Variants in GNPTG observed in about 807,000 individuals in gnomAD.
The protein encoded by GNPTG is N-acetylglucosamine-1-phosphotransferase subunit gamma.
A neutral mutation model predicts 43.8 loss-of-function variants in GNPTG; 46 were observed. The observed-to-expected ratio is 1.05, with a 90% CI of 0.83 to 1.34. The LOEUF (loss-of-function observed/expected upper bound fraction) is 1.34, where lower values mean the gene tolerates loss of function less well. Ranked by LOEUF, GNPTG falls within the 40% of genes most tolerant of loss-of-function variation. The pLI is 0.00. For missense variants in GNPTG, 549 were observed against 411.3 expected, an observed-to-expected ratio of 1.33 and a Z score of -2.90; for synonymous variants, 250 against 172.8, an observed-to-expected ratio of 1.45 and a Z score of -3.50.
chr16:1,358,749 C>G (rs1056143746), intron 3 of GNPTG, among the ~76,000 whole-genome samples: 1 of 152,140 alleles, frequency 6.6e-6, no homozygotes, highest in Admixed American at 6.5e-5. Context: ...TTCACCAACA[C>G]TGTTTTTTGC....
rs754679713 is a variant in GNPTG at position 1,362,255 on chromosome 16, C to T, written c.461C>T (p.Pro154Leu). ...AACCGGCTGGCCCATGTGTCCGAGCCGAGCACCTGCGTCTACGCGCTGACG... is the reference window on the plus strand; with the variant it reads ...AACCGGCTGGCCCATGTGTCCGAGCTGAGCACCTGCGTCTACGCGCTGACG... ...KSNRLAHVSE[P>L]STCVYALTFE... is the part of the protein sequence containing the mutation. The change falls in exon 7 of 11, where the codon CCG becomes CTG. Residue 154 changes from proline to leucine, a missense_variant. Coordinates refer to ENST00000204679, the MANE Select transcript of GNPTG (RefSeq NM_032520.5). 9.9e-6 allele frequency: 16 copies of T among 1,613,494 alleles called. No individual in the cohort carries two copies. The highest frequency in any genetic ancestry group is 6.7e-5 in the Admixed American group (4 of 60,034).
intron 3 of GNPTG, among the ~76,000 whole-genome samples, chr16:1,354,159 C>T (rs924874778): frequency 6.7e-6 from 1 of 148,950 alleles, no homozygotes; most frequent in Admixed American, 6.8e-5. Flanking sequence ...CGGGCCACCA[C>T]CTATCCCAAG....
chr16:1,355,001 C>G (rs967874992), intron 3 of GNPTG, among the ~76,000 whole-genome samples: 1 of 151,952 alleles, frequency 6.6e-6, no homozygotes, highest in Non-Finnish European at 1.5e-5. Flanking sequence ...TCCCCCGCAT[C>G]TGCGGGGTGG....
chr16:1,362,715 G>A lies in GNPTG; in HGVS notation c.714G>A (p.Gly238=), dbSNP rs766167977. 1 of 1,614,040 alleles carries A rather than the reference G, an allele frequency of 6.2e-7. No individual in the cohort carries two copies. The highest frequency in any genetic ancestry group is 2.2e-5 in the East Asian group (1 of 44,880). Residue 238 remains glycine (G), a synonymous_variant, in exon 9 of 11, where the codon GGG becomes GGA. Transcript: ENST00000204679. ...TGGAGGGAGGTCCTGACAGCTTGGG[G>A]TTTGAGACCCTGGAAAACTGCAGGA... ...TQLEGGPDSL[G]FETLENCRKA... is the part of the protein sequence containing the mutation.
At chr16:1,358,261 C>T (rs2034814046) in intron 3 of GNPTG, 1 of 152,474 alleles carries the variant, frequency 6.6e-6, no homozygotes, top group South Asian at 2.1e-4. Context: ...GCTCTGTCCC[C>T]TTCAAACCCT....
chr16:1,352,239 G>A lies in GNPTG; in HGVS notation c.111G>A (p.Gly37=), dbSNP rs1427336583. Residue 37 remains glycine, a splice_region_variant and synonymous_variant, in exon 3 of 11, where the codon GGG becomes GGA. Transcript: ENST00000204679. ...MKVVEEPNAF[G]VNNPFLPQAS... ...CCGCTGACCTTGCCGCTTCCCGTAGGGTGAACAACCCGTTCTTGCCTCAGG... is the reference window on the plus strand; with the variant it reads ...CCGCTGACCTTGCCGCTTCCCGTAGAGTGAACAACCCGTTCTTGCCTCAGG... 1.9e-6 allele frequency: 3 copies of A among 1,548,986 alleles called. No individual in the cohort carries two copies. Among genetic ancestry groups the A allele is most frequent in the Non-Finnish European group, 2.6e-6 (3 of 1,147,152 alleles).
In GNPTG at chr16:1,355,957, G is replaced by T. The variant is rs1025537484; in HGVS notation, c.178+3651G>T. Among the ~76,000 whole-genome samples the T allele has an allele frequency of 4.6e-5, 7 of 152,178 alleles. No homozygotes were observed. In the East Asian group the frequency reaches 1.2e-3, roughly 25 times the overall value. On this transcript the variant is annotated intron_variant, in intron 3 of 10. Coordinates refer to ENST00000204679, the MANE Select transcript of GNPTG (RefSeq NM_032520.5). ...GGGCACAGGACTCACCAGGGGGTGCGTGAGGCCGGAGGGTGAGGGTGAGGT... is the reference window on the plus strand; with the variant it reads ...GGGCACAGGACTCACCAGGGGGTGCTTGAGGCCGGAGGGTGAGGGTGAGGT...
chr16:1,352,768 C>T (rs1057066850), intron 3 of GNPTG, among the ~76,000 whole-genome samples: 1 of 151,978 alleles, frequency 6.6e-6, no homozygotes, highest in Non-Finnish European at 1.5e-5. Context: ...ACTGCACTCC[C>T]CGATTGTATT....
chr16:1,356,894 CGGG>C (rs1567181408), intron 3 of GNPTG, among the ~76,000 whole-genome samples: 1 of 6,326 alleles, frequency 1.6e-4, no homozygotes, highest in Non-Finnish European at 4.0e-4. Flanking sequence ...GGTCTGCGGG[CGGG>C]AGTGTGCGGG....
Position 1,361,664 on chromosome 16 carries a change from C to G in GNPTG, c.179-79C>G, listed in dbSNP as rs371936270. ...ATCTCAAAAAAAAAGAAAACTGGTC[C>G]TTTGAAAACAGACTCTGCCAGTCTT... On this transcript the variant is annotated intron_variant, in intron 3 of 10. Coordinates refer to ENST00000204679, the MANE Select transcript of GNPTG (RefSeq NM_032520.5). The G allele has an allele frequency of 7.6e-5, 115 of 1,509,872 alleles. 1 individual carries two copies. Among genetic ancestry groups the G allele is most frequent in the Middle Eastern group, 6.8e-4 (4 of 5,868 alleles). The allele number at this position is 1,509,872 out of a possible 1,614,324, so 93.5% of individuals were successfully genotyped here.
chr16:1,359,132 C>T (rs1453989067), intron 3 of GNPTG, among the ~76,000 whole-genome samples: 3 of 151,206 alleles, frequency 2.0e-5, no homozygotes, highest in Non-Finnish European at 3.0e-5. Flanking sequence ...CTGGGATTCC[C>T]GGCTTCTCTG....
Position 1,351,972 on chromosome 16 carries a change from G to C in GNPTG, c.7G>C (p.Ala3Pro). 7.6e-7 allele frequency: 1 copy of C among 1,317,162 alleles called. No individual in the cohort carries two copies. The allele number at this position is 1,317,162 out of a possible 1,614,324, so 81.6% of individuals were successfully genotyped here. The change falls in exon 1 of 11, where the codon GCG becomes CCG. Residue 3 changes from alanine to proline, a missense_variant. Transcript: ENST00000204679. Reference protein sequence around the residue: MAAGLARLLLLLG... With the variant: MAPGLARLLLLLG... The stretch of plus-strand genomic sequence containing the variant: ...CGGCGGCCGCTGCGGCGCGATGGCG[G>C]CGGGGCTGGCGCGGCTCCTGTTGCT...
At chr16:1,356,019 G>C (rs1209642194) in intron 3 of GNPTG, among the ~76,000 whole-genome samples, 2 of 151,978 alleles carry the variant, frequency 1.3e-5, no homozygotes, top group African/African-American at 2.4e-5. Flanking sequence ...GGGGGTTGTG[G>C]AGGTTGGGAG....
At position 1,363,462 on chromosome 16, in the gene GNPTG, G is replaced by C. The variant is rs928904342; in HGVS notation, c.*371G>C. The C allele has an allele frequency of 2.9e-6, 1 of 339,642 alleles. No individual in the cohort carries two copies. The highest frequency in any genetic ancestry group is 7.9e-5 in the East Asian group (1 of 12,668). 21.0% of individuals were successfully genotyped at this position (339,642 alleles called of 1,614,324 possible). A position where few individuals can be genotyped will look rare whatever the true frequency, so the allele number is the denominator to read the frequency against. ...ACTTGAGGCGTCCACGCGGAACAAG[G>C]TCTGCTGACCACAGTTACACACGTC... On this transcript the variant is annotated 3_prime_UTR_variant, in exon 11 of 11. Coordinates refer to ENST00000204679, the MANE Select transcript of GNPTG (RefSeq NM_032520.5).
chr16:1,361,200 C>G (rs1260243467), intron 3 of GNPTG: 1 of 159,334 alleles, frequency 6.3e-6, no homozygotes, highest in Non-Finnish European at 1.4e-5. Context: ...CTTGGCCTCC[C>G]AAAGTGCTGG....
At position 1,362,739 on chromosome 16, in the gene GNPTG, G is replaced by T; in HGVS notation, c.738G>T (p.Arg246Ser). The change falls in exon 9 of 11, where the codon AGG becomes AGT. Residue 246 changes from arginine to serine, a missense_variant. Physicochemically the swap from Arg to Ser is moderately radical, Grantham distance 110 (BLOSUM62 -1). Coordinates refer to ENST00000204679, the MANE Select transcript of GNPTG (RefSeq NM_032520.5). ...SLGFETLENC[R>S]KAHKELSKEI... ...GGTTTGAGACCCTGGAAAACTGCAGGAAGGTACCGTATTGGGGGGAGGTGG... is the reference window on the plus strand; with the variant it reads ...GGTTTGAGACCCTGGAAAACTGCAGTAAGGTACCGTATTGGGGGGAGGTGG... The T allele has an allele frequency of 1.2e-6, 2 of 1,614,076 alleles. No individual in the cohort carries two copies. The highest frequency in any genetic ancestry group is 1.7e-6 in the Non-Finnish European group (2 of 1,180,020).
In GNPTG at chr16:1,363,179, C is replaced by A; in HGVS notation, c.*88C>A. The stretch of plus-strand genomic sequence containing the variant: ...GACCCGCAGGGACCAGCTGACCAGG[C>A]TTGTGCTCAGAGAAGCAGACAAAAC... On this transcript the variant is annotated 3_prime_UTR_variant, in exon 11 of 11. Coordinates refer to ENST00000204679, the MANE Select transcript of GNPTG (RefSeq NM_032520.5). The A allele has an allele frequency of 2.6e-6, 3 of 1,133,090 alleles. No individual in the cohort carries two copies. Among genetic ancestry groups the A allele is most frequent in the Non-Finnish European group, 2.6e-6 (2 of 765,178 alleles). The allele number at this position is 1,133,090 out of a possible 1,614,324, so 70.2% of individuals were successfully genotyped here.
chr16:1,362,381 G>A (rs1567184492), intron 7 of GNPTG, 61 bp downstream of exon 7: 5 of 1,608,848 alleles, frequency 3.1e-6, no homozygotes, highest in Admixed American at 3.3e-5. Flanking sequence ...CCCTGCTGGA[G>A]GCCCTGTAGT....
chr16:1,354,900 C>G (rs1161145066), intron 3 of GNPTG, among the ~76,000 whole-genome samples: 1 of 151,996 alleles, frequency 6.6e-6, no homozygotes, highest in Non-Finnish European at 1.5e-5. Context: ...TCCCCCGCGT[C>G]TGTAGGGCCG....
Sources: gnomAD v4.1 joint callset for allele counts (sites outside exome capture counted in the v4.1 genomes callset) on GRCh38, gnomAD v4.1.1 for gene constraint, MANE v1.5 for transcripts, NCBI Gene and HGNC (gene_info 2026-07-23, HGNC 2026-07-21) for gene names.